The following CDC14A variants were observed in gnomAD, a reference collection of about 807,000 sequenced individuals.
CDC14A encodes dual specificity protein phosphatase CDC14A.
In CDC14A, 53 loss-of-function variants were observed where a neutral mutation model predicts 74.4. The ratio of observed to expected loss-of-function variants is 0.71; its 90% CI spans 0.57 to 0.89. CDC14A has a LOEUF of 0.89. Ranked by LOEUF, CDC14A falls within the 40% of genes least tolerant of loss-of-function variation. The pLI is 0.00. For synonymous variants in CDC14A, 247 were observed against 258.4 expected (o/e 0.96, Z 0.43); for missense variants, 646 against 713.7 (o/e 0.91, Z 1.08).
chr1:100,453,840 C>G (rs1259619133), intron 7 of CDC14A, among the ~76,000 whole-genome samples: 1 of 152,212 alleles, frequency 6.6e-6, no homozygotes. Flanking sequence ...CGGGGTTTCA[C>G]CATGTTGCCC....
At chr1:100,378,971 C>T (rs1420052380) in intron 3 of CDC14A, among the ~76,000 whole-genome samples, 1 of 151,952 alleles carries the variant, frequency 6.6e-6, no homozygotes, top group Non-Finnish European at 1.5e-5. Flanking sequence ...GCTGAGTAAA[C>T]AAGAAAAGGA....
chr1:100,451,917 A>T (rs1334213754), intron 7 of CDC14A, among the ~76,000 whole-genome samples: 1 of 152,208 alleles, frequency 6.6e-6, no homozygotes, highest in African/African-American at 2.4e-5. Flanking sequence ...GTAAAAGCAT[A>T]GAGAATGCTT....
At chr1:100,420,287 C>A (rs190216079) in intron 4 of CDC14A, among the ~76,000 whole-genome samples, 1 of 151,184 alleles carries the variant, frequency 6.6e-6, no homozygotes, top group African/African-American at 2.4e-5. Context: ...TTTTAAGAAT[C>A]TCCCCTTGTG....
In CDC14A at chr1:100,393,803, C is replaced by T. The variant is rs550178388; in HGVS notation, c.309+2979C>T. ...ACTAAAAATACAAAAATTAGCTGGGCGTGGTGATGCGAGCCTGTAGTCCCA... is the reference window on the plus strand; with the variant it reads ...ACTAAAAATACAAAAATTAGCTGGGTGTGGTGATGCGAGCCTGTAGTCCCA... On this transcript the variant is annotated intron_variant, in intron 4 of 15. Coordinates refer to ENST00000336454, the MANE Select transcript of CDC14A (RefSeq NM_003672.4). 1.6e-3 allele frequency: 457 copies of T among 289,304 alleles called. 4 individuals are homozygous for T. The highest frequency in any genetic ancestry group is 9.4e-3 in the African/African-American group (417 of 44,538). 17.9% of individuals were successfully genotyped at this position (289,304 alleles called of 1,614,324 possible).
At chr1:100,476,899 G>A (rs769005306) in intron 10 of CDC14A, among the ~76,000 whole-genome samples, 11 of 152,196 alleles carry the variant, frequency 7.2e-5, no homozygotes, top group East Asian at 5.8e-4. Context: ...AGATTATCCC[G>A]GATTGTTTGG....
intron 4 of CDC14A, chr1:100,393,909 C>G (rs904525620): frequency 2.2e-5 from 5 of 230,150 alleles, no homozygotes; most frequent in Non-Finnish European, 4.2e-5. Flanking sequence ...CGCCACTGCA[C>G]TCCAGCCTGG....
At chr1:100,470,048 G>A (rs941026830) in intron 10 of CDC14A, among the ~76,000 whole-genome samples, 3 of 152,102 alleles carry the variant, frequency 2.0e-5, no homozygotes, top group African/African-American at 7.2e-5. Flanking sequence ...TATACAGATG[G>A]TGAATATTCC....
chr1:100,404,195 A>G lies in CDC14A; in HGVS notation c.309+13371A>G, dbSNP rs182995519. Among the ~76,000 whole-genome samples the G allele has an allele frequency of 9.4e-4, 143 of 152,084 alleles. 3 individuals carry two copies. The highest frequency in any genetic ancestry group is 9.0e-3 in the Admixed American group (138 of 15,270). On this transcript the variant is annotated intron_variant, in intron 4 of 15. Coordinates refer to ENST00000336454, the MANE Select transcript of CDC14A (RefSeq NM_003672.4). The stretch of plus-strand genomic sequence containing the variant: ...AATAGAGCTAGACTCCGTCTCAAAA[A>G]AAAAAAAAGAGCTAACTGCAACTGC...
intron 4 of CDC14A, chr1:100,393,110 GA>G: frequency 6.9e-7 from 1 of 1,456,742 alleles, no homozygotes; most frequent in Non-Finnish European, 9.6e-7. Context: ...TTTTCTAGTT[GA>G]AAAATAGTCC....
chr1:100,504,511 A>G (rs1649059713), intron 15 of CDC14A, among the ~76,000 whole-genome samples: 1 of 152,230 alleles, frequency 6.6e-6, no homozygotes, highest in Non-Finnish European at 1.5e-5. Flanking sequence ...TATTCAACTC[A>G]ATACATAAAC....
upstream of CDC14A, among the ~76,000 whole-genome samples, chr1:100,352,194 C>A (rs1269417164): frequency 6.6e-6 from 1 of 152,212 alleles, no homozygotes; most frequent in Non-Finnish European, 1.5e-5. Flanking sequence ...CACTCTCAAC[C>A]CCGCCGTTTC....
At position 100,487,158 on chromosome 1, in the gene CDC14A, G is replaced by A. The variant is rs1186635745; in HGVS notation, c.1137+2707G>A. 4.6e-5 allele frequency among the ~76,000 whole-genome samples: 7 copies of A among 152,160 alleles called. No individual in the cohort carries two copies. In the East Asian group the frequency reaches 1.2e-3, roughly 25 times the overall value. Reference sequence around the variant, plus strand: ...TCTTGAGATTGACTTTTAAAAAAAAGATTAAAAGCAGAGATTCTAAATTAT... The same window carrying A: ...TCTTGAGATTGACTTTTAAAAAAAAAATTAAAAGCAGAGATTCTAAATTAT... On this transcript the variant is annotated intron_variant, in intron 11 of 15. Transcript: ENST00000336454.
intron 4 of CDC14A, among the ~76,000 whole-genome samples, chr1:100,394,968 A>T (rs1047469289): frequency 6.6e-6 from 1 of 152,192 alleles, no homozygotes; most frequent in African/African-American, 2.4e-5. Flanking sequence ...TTCTGGGGGA[A>T]TCTTCTCTGG....
chr1:100,499,551 A>AT, intron 15 of CDC14A: 1 of 881,120 alleles, frequency 1.1e-6, no homozygotes, highest in Middle Eastern at 3.5e-4. Context: ...CATTCTTTTG[A>AT]TTATGGGCAT....
At position 100,496,031 on chromosome 1, in the gene CDC14A, C is replaced by G; in HGVS notation, c.1280C>G (p.Ala427Gly). 1.2e-6 allele frequency: 2 copies of G among 1,613,732 alleles called. No individual in the cohort carries two copies. The highest frequency in any genetic ancestry group is 1.6e-4 in the Middle Eastern group (1 of 6,062). The change falls in exon 13 of 16, where the codon GCA becomes GGA. Residue 427 changes from alanine (A) to glycine (G), a missense_variant. Coordinates refer to ENST00000336454, the MANE Select transcript of CDC14A (RefSeq NM_003672.4). ...RSDDTKGHPR[A>G]VSQPFRLSSS... The stretch of plus-strand genomic sequence containing the variant: ...GATGATACAAAAGGACATCCAAGAG[C>G]AGTGTCCCAGCCTTTCAGGTACTGC...
chr1:100,444,612 T>C (rs1043854225), intron 7 of CDC14A, among the ~76,000 whole-genome samples: 3 of 152,210 alleles, frequency 2.0e-5, no homozygotes, highest in African/African-American at 7.2e-5. Flanking sequence ...AGGTTGCTTT[T>C]TCCCAGATTC....
rs528819103 is a variant in CDC14A at position 100,505,261 on chromosome 1, G to T, written c.1755+5999G>T. 1.1e-4 allele frequency among the ~76,000 whole-genome samples: 17 copies of T among 152,232 alleles called. No homozygotes were observed. In the East Asian group the frequency reaches 3.3e-3, roughly 29 times the overall value. On this transcript the variant is annotated intron_variant, in intron 15 of 15. Coordinates refer to ENST00000336454, the MANE Select transcript of CDC14A (RefSeq NM_003672.4). Reference sequence around the variant, plus strand: ...GGCTTAAATGTAGTTCTCTTTTCTAGTGTTAGTAGCATTTTTATACTCAGT... The same window carrying T: ...GGCTTAAATGTAGTTCTCTTTTCTATTGTTAGTAGCATTTTTATACTCAGT...
intron 10 of CDC14A, among the ~76,000 whole-genome samples, chr1:100,477,764 C>T (rs1436264654): frequency 1.3e-5 from 2 of 152,124 alleles, no homozygotes; most frequent in Admixed American, 6.5e-5. Context: ...TTTCACCTGT[C>T]AAAAATGACT....
intron 15 of CDC14A, chr1:100,504,825 A>G (rs1557837119): frequency 4.6e-6 from 7 of 1,535,296 alleles, no homozygotes; most frequent in South Asian, 2.4e-5. Flanking sequence ...GTTCATGCCT[A>G]CTGCTAGTCT....
Sources: allele counts gnomAD v4.1 joint callset (sites outside exome capture counted in the v4.1 genomes callset), GRCh38; gene constraint gnomAD v4.1.1; transcripts MANE v1.5; gene names NCBI Gene and HGNC (gene_info 2026-07-23, HGNC 2026-07-21).